The following GRAMD1B variants were observed in gnomAD, a reference collection of about 807,000 sequenced individuals.
GRAMD1B encodes the protein GRAM domain containing 1B.
In GRAMD1B, 37 loss-of-function variants were observed where a neutral mutation model predicts 99.7. The observed-to-expected ratio is 0.37, with a 90% CI of 0.29 to 0.49. The LOEUF is 0.49. Among genes scored for constraint, GRAMD1B ranks in the 20% least tolerant of loss-of-function variants. GRAMD1B has a pLI of 0.98. For missense variants in GRAMD1B, 888 were observed against 1,009.2 expected, an observed-to-expected ratio of 0.88 and a Z score of 1.63; for synonymous variants, 427 against 387.6, an observed-to-expected ratio of 1.10 and a Z score of -1.19.
At position 123,492,858 on chromosome 11, in the gene GRAMD1B, TCACACATA is replaced by T. The variant is rs1938726547; in HGVS notation, c.452+11972_452+11979del. Among the ~76,000 whole-genome samples, 1 of 131,702 alleles carries T rather than the reference TCACACATA, an allele frequency of 7.6e-6. No homozygotes were observed. The highest frequency in any genetic ancestry group is 1.7e-5 in the Non-Finnish European group (1 of 59,096). The allele number at this position is 131,702 out of a possible 152,430, so 86.4% of individuals were successfully genotyped here. ...CTCTCTCTCTCTCTGTCTCTCTCTT[TCACACATA>T]CACACACACACACACACACACACAC... On this transcript the variant is annotated intron_variant, in intron 2 of 19. Coordinates refer to ENST00000635736, the MANE Select transcript of GRAMD1B (RefSeq NM_001387025.1). The surrounding 1 kb of genome is among the most constrained non-coding windows in gnomAD (Gnocchi z 4.2).
intron 2 of GRAMD1B, among the ~76,000 whole-genome samples, chr11:123,543,207 C>A (rs1347737102): frequency 6.6e-6 from 1 of 152,210 alleles, no homozygotes; most frequent in Admixed American, 6.5e-5. Context: ...ACCATAGCCT[C>A]TCTGCCAGCC....
intron 1 of GRAMD1B, among the ~76,000 whole-genome samples, chr11:123,468,999 G>C (rs1159546194): frequency 6.6e-6 from 1 of 151,914 alleles, no homozygotes; most frequent in Non-Finnish European, 1.5e-5. Flanking sequence ...CCATTTTATA[G>C]AGGTTGGACA....
intron 2 of GRAMD1B, among the ~76,000 whole-genome samples, chr11:123,495,703 G>C (rs1046067522): frequency 1.9e-5 from 2 of 107,384 alleles, no homozygotes; most frequent in Non-Finnish European, 4.1e-5. Context: ...GTCTTTTCTT[G>C]TTTTTTATTT....
intron 4 of GRAMD1B, among the ~76,000 whole-genome samples, chr11:123,588,147 G>C (rs1950251174): frequency 6.6e-6 from 1 of 152,030 alleles, no homozygotes; most frequent in African/African-American, 2.4e-5. Context: ...AGAGTTTCCT[G>C]TGTGGATCTT....
At chr11:123,504,020 A>G (rs961471955) in intron 2 of GRAMD1B, among the ~76,000 whole-genome samples, 1 of 152,200 alleles carries the variant, frequency 6.6e-6, no homozygotes, top group Non-Finnish European at 1.5e-5. Context: ...TGAACTGGGA[A>G]ATTTGACTGT....
intron 2 of GRAMD1B, among the ~76,000 whole-genome samples, chr11:123,488,020 T>A (rs1454720041): frequency 6.6e-6 from 1 of 152,208 alleles, no homozygotes; most frequent in Non-Finnish European, 1.5e-5. Flanking sequence ...TCTTTCCATT[T>A]TGGAGCCCGG....
At position 123,430,777 on chromosome 11, in the gene GRAMD1B, A is replaced by C. The variant is rs1453022528; in HGVS notation, c.-16A>C. On this transcript the variant is annotated 5_prime_UTR_variant, in exon 1 of 20. Coordinates refer to ENST00000635736, the MANE Select transcript of GRAMD1B (RefSeq NM_001387025.1). ...CTGGCGGAGGGCTCAGGGGGAGCGC[A>C]GAGGCGACGGCCCCCATGCCGGCGG... 1.1e-5 allele frequency: 7 copies of C among 663,806 alleles called. No homozygotes were observed. The Admixed American group carries it at 1.3e-4, about 13-fold the overall frequency. The allele number at this position is 663,806 out of a possible 1,614,324, so 41.1% of individuals were successfully genotyped here.
intron 1 of GRAMD1B, among the ~76,000 whole-genome samples, chr11:123,416,882 C>T (rs1163457798): frequency 6.6e-6 from 1 of 152,112 alleles, no homozygotes; most frequent in East Asian, 1.9e-4. Context: ...GAGATGGGCA[C>T]TATTATTATT....
intron 1 of GRAMD1B, among the ~76,000 whole-genome samples, chr11:123,403,448 G>A (rs200088950): frequency 7.2e-6 from 1 of 139,176 alleles, no homozygotes; most frequent in Non-Finnish European, 1.5e-5. Context: ...TGATGATGAT[G>A]ATAATAATAA....
intron 1 of GRAMD1B, among the ~76,000 whole-genome samples, chr11:123,441,599 TAGTG>T (rs1364027928): frequency 6.6e-6 from 1 of 151,088 alleles, no homozygotes; most frequent in East Asian, 1.9e-4. Context: ...CTGGGCAACA[TAGTG>T]AGACCCCCAC....
intron 2 of GRAMD1B, among the ~76,000 whole-genome samples, chr11:123,504,832 C>T (rs1439722822): frequency 6.6e-6 from 1 of 152,150 alleles, no homozygotes; most frequent in African/African-American, 2.4e-5. Flanking sequence ...CAGGCGTGCA[C>T]CACCAGGCCC....
At position 123,613,430 on chromosome 11, in the gene GRAMD1B, C is replaced by T. The variant is rs781536198; in HGVS notation, c.2024-25C>T. 49 of 1,562,434 alleles carry T rather than the reference C, an allele frequency of 3.1e-5. No homozygotes were observed. The South Asian group carries it at 5.0e-4, about 16-fold the overall frequency. ...CATTGGAGGGCTGAAGGTGGCCTCTCCTGTGGTCCTTTTGTCTCTGATAGA... is the reference window on the plus strand; with the variant it reads ...CATTGGAGGGCTGAAGGTGGCCTCTTCTGTGGTCCTTTTGTCTCTGATAGA... On this transcript the variant is annotated intron_variant, in intron 15 of 19. Coordinates refer to ENST00000635736, the MANE Select transcript of GRAMD1B (RefSeq NM_001387025.1).
At chr11:123,493,912 A>G (rs1271848322) in intron 2 of GRAMD1B, among the ~76,000 whole-genome samples, 1 of 152,170 alleles carries the variant, frequency 6.6e-6, no homozygotes, top group African/African-American at 2.4e-5. Context: ...GGGAGCTGTC[A>G]CATCTCAGAG....
intron 1 of GRAMD1B, among the ~76,000 whole-genome samples, chr11:123,361,894 C>T (rs1209401675): frequency 2.0e-5 from 3 of 152,188 alleles, no homozygotes; most frequent in African/African-American, 4.8e-5. Context: ...TCTTAGGAAA[C>T]GGGATGGTAA....
At chr11:123,612,111 G>A (rs183795948) in intron 14 of GRAMD1B, among the ~76,000 whole-genome samples, 17 of 151,872 alleles carry the variant, frequency 1.1e-4, no homozygotes, top group Admixed American at 1.0e-3. Context: ...TTCTGAGACA[G>A]GATCTCACTC....
At chr11:123,427,071 AG>A (rs1323225771), upstream of GRAMD1B, among the ~76,000 whole-genome samples, 1 of 152,096 alleles carries the variant, frequency 6.6e-6, no homozygotes, top group Admixed American at 6.6e-5. Context: ...ATGGGGGCAA[AG>A]GTGAGGTCTG....
At chr11:123,488,995 C>T (rs575370170) in intron 2 of GRAMD1B, among the ~76,000 whole-genome samples, 6 of 152,048 alleles carry the variant, frequency 3.9e-5, no homozygotes, top group African/African-American at 7.2e-5. Flanking sequence ...GGCCCAGGAA[C>T]GGCAGGTGCT....
At chr11:123,561,245 G>A (rs911005023) in intron 2 of GRAMD1B, among the ~76,000 whole-genome samples, 2 of 152,174 alleles carry the variant, frequency 1.3e-5, no homozygotes, top group Non-Finnish European at 1.5e-5. Context: ...CAGGCCATGT[G>A]CTCCTGTTCT....
chr11:123,436,566 T>C (rs1390952157), intron 1 of GRAMD1B, among the ~76,000 whole-genome samples: 2 of 152,194 alleles, frequency 1.3e-5, no homozygotes, highest in Non-Finnish European at 2.9e-5. Context: ...GTCAATTCAA[T>C]GAGGAGCTGT....
Sources: allele counts gnomAD v4.1 joint callset (sites outside exome capture counted in the v4.1 genomes callset), GRCh38; gene constraint gnomAD v4.1.1; non-coding constraint Gnocchi (gnomAD v3.1); transcripts MANE v1.5; gene names NCBI Gene and HGNC (gene_info 2026-07-23, HGNC 2026-07-21).